The following SFXN2 variants were observed in gnomAD, a reference collection of about 807,000 sequenced individuals.
SFXN2 encodes sideroflexin-2.
In SFXN2, 37 loss-of-function variants were observed where a neutral mutation model predicts 41.9. The observed-to-expected ratio is 0.88, with a 90% CI of 0.68 to 1.16. The LOEUF (loss-of-function observed/expected upper bound fraction) is 1.16. Ranked by LOEUF, SFXN2 falls within the 50% of genes most tolerant of loss-of-function variation. The pLI is 0.00. For missense variants in SFXN2, 386 were observed against 425.2 expected, an observed-to-expected ratio of 0.91 and a Z score of 0.81; for synonymous variants, 150 against 156.7, an observed-to-expected ratio of 0.96 and a Z score of 0.32.
Position 102,728,524 on chromosome 10 carries a change from A to G in SFXN2, c.426A>G (p.Ser142=). The G allele has an allele frequency of 6.2e-7, 1 of 1,613,716 alleles. No individual in the cohort carries two copies. Among genetic ancestry groups the G allele is most frequent in the Non-Finnish European group, 8.5e-7 (1 of 1,179,776 alleles). Residue 142 remains serine, a synonymous_variant, in exon 4 of 12, where the codon TCA becomes TCG. Coordinates refer to ENST00000369893, the MANE Select transcript of SFXN2 (RefSeq NM_178858.6). ...ACAGGAATGCGGCTTCCCCCACATC[A>G]GTCAGGTAGGAGACCTGAACCCCAG... is the stretch of plus-strand genomic sequence containing the variant. ...YTNRNAASPT[S]VRQMALSYFT...
rs1392293493 is a variant in SFXN2, at chr10:102,742,998, G to C, written c.*5236G>C. 1 of 152,226 alleles carries C rather than the reference G, an allele frequency of 6.6e-6. No individual in the cohort carries two copies. Among genetic ancestry groups the C allele is most frequent in the Non-Finnish European group, 1.5e-5 (1 of 68,056 alleles). 9.4% of individuals were successfully genotyped at this position (152,226 alleles called of 1,614,324 possible). ...TGAAGTTACTGGGCATCTCTTCAAT[G>C]GTCAGTGTGAGTGGAATGTGTGGGA... is the stretch of plus-strand genomic sequence containing the variant. On this transcript the variant is annotated 3_prime_UTR_variant, in exon 12 of 12. Transcript: ENST00000369893.
chr10:102,714,988 G>A (rs2064385067), intron 1 of SFXN2: 2 of 152,692 alleles, frequency 1.3e-5, no homozygotes, highest in African/African-American at 4.8e-5. Context: ...CTGGCCCTGA[G>A]CCCTGAGGTG....
At chr10:102,720,991 C>A (rs1204254126) in intron 1 of SFXN2, among the ~76,000 whole-genome samples, 1 of 152,124 alleles carries the variant, frequency 6.6e-6, no homozygotes, top group East Asian at 1.9e-4. Flanking sequence ...CTGACCTAAT[C>A]AGGTGGAAGC....
chr10:102,730,195 A>G (rs1315084706), intron 6 of SFXN2, among the ~76,000 whole-genome samples: 10 of 152,238 alleles, frequency 6.6e-5, no homozygotes. Flanking sequence ...AAGATAGCAT[A>G]GAACCCAGAA....
At position 102,735,880 on chromosome 10, in the gene SFXN2, A is replaced by G; in HGVS notation, c.840A>G (p.Pro280=). Reference sequence around the variant, plus strand: ...CTTGCAGCCTCATCTTCATGGTGCCAGTGGCGTGTGGGCTTTTCCCACAGA... The same window carrying G: ...CTTGCAGCCTCATCTTCATGGTGCCGGTGGCGTGTGGGCTTTTCCCACAGA... ...LSGCFLIFMV[P]VACGLFPQKC... Residue 280 remains proline, a synonymous_variant, in exon 11 of 12, where the codon CCA becomes CCG. Coordinates refer to ENST00000369893, the MANE Select transcript of SFXN2 (RefSeq NM_178858.6). 6.2e-7 allele frequency: 1 copy of G among 1,614,134 alleles called. No homozygotes were observed. The highest frequency in any genetic ancestry group is 8.5e-7 in the Non-Finnish European group (1 of 1,180,014).
rs1000482336 is a variant in SFXN2, at chr10:102,738,278, T to C, written c.*516T>C. 2 of 151,416 alleles carry C rather than the reference T, an allele frequency of 1.3e-5. No individual in the cohort carries two copies. Among genetic ancestry groups the C allele is most frequent in the African/African-American group, 4.9e-5 (2 of 40,972 alleles). 9.4% of individuals were successfully genotyped at this position (151,416 alleles called of 1,614,324 possible). On this transcript the variant is annotated 3_prime_UTR_variant, in exon 12 of 12. Transcript: ENST00000369893. ...CACCCTTCCACATCCTCCTCCTCGTTGCCCCCTGGTCAGGCAGCTTCTTTT... is the reference window on the plus strand; with the variant it reads ...CACCCTTCCACATCCTCCTCCTCGTCGCCCCCTGGTCAGGCAGCTTCTTTT...
In SFXN2 at chr10:102,728,657, G is replaced by A. The variant is rs952485545; in HGVS notation, c.431+128G>A. On this transcript the variant is annotated intron_variant, in intron 4 of 11. Coordinates refer to ENST00000369893, the MANE Select transcript of SFXN2 (RefSeq NM_178858.6). ...AGGTGACCAAGTCACCCTTTCCCAG[G>A]GTTTGGAAATATTTTCTCAAGCTGA... 16 of 744,834 alleles carry A rather than the reference G, an allele frequency of 2.1e-5. No homozygotes were observed. The Admixed American group carries it at 3.3e-4, about 15-fold the overall frequency. 46.1% of individuals were successfully genotyped at this position (744,834 alleles called of 1,614,324 possible).
chr10:102,729,187 A>G, intron 4 of SFXN2, 132 bp from the exon 5 acceptor site: 2 of 771,732 alleles, frequency 2.6e-6, no homozygotes, highest in South Asian at 1.7e-5. Flanking sequence ...GAGGGTCACA[A>G]GATAAGGCTG....
Position 102,721,106 on chromosome 10 carries a change from G to A in SFXN2, c.-25-5506G>A, listed in dbSNP as rs367710985. Among the ~76,000 whole-genome samples the A allele has an allele frequency of 3.9e-5, 6 of 152,128 alleles. No individual in the cohort carries two copies. The East Asian group carries it at 7.7e-4, about 20-fold the overall frequency. ...CCCCTGGGATGGTCTGTTGCTGGCCGCCTGCCCTGCTGACTTCAGGATTGC... is the reference window on the plus strand; with the variant it reads ...CCCCTGGGATGGTCTGTTGCTGGCCACCTGCCCTGCTGACTTCAGGATTGC... On this transcript the variant is annotated intron_variant, in intron 1 of 11. Coordinates refer to ENST00000369893, the MANE Select transcript of SFXN2 (RefSeq NM_178858.6).
At chr10:102,729,843 C>G (rs765951192) in intron 6 of SFXN2, 35 bp downstream of exon 6, 1 of 1,608,942 alleles carries the variant, frequency 6.2e-7, no homozygotes, top group Non-Finnish European at 8.5e-7. Flanking sequence ...CTACAAACCA[C>G]AAGATTAGCA....
Position 102,736,037 on chromosome 10 carries a change from C to T in SFXN2, c.869+128C>T, listed in dbSNP as rs544386222. On this transcript the variant is annotated intron_variant, in intron 11 of 11. Transcript: ENST00000369893. ...CAGCACCTGTCTGAGGACAAGTGTC[C>T]ATCAGCCTAAAGGCTGGGCCTCTTA... 1.2e-5 allele frequency: 11 copies of T among 926,716 alleles called. No homozygotes were observed. In the South Asian group the frequency reaches 1.4e-4, roughly 11 times the overall value. The allele number at this position is 926,716 out of a possible 1,614,324, so 57.4% of individuals were successfully genotyped here.
intron 9 of SFXN2, 144 bp downstream of exon 9, chr10:102,733,052 C>A: frequency 1.2e-6 from 1 of 808,980 alleles, no homozygotes; most frequent in South Asian, 1.6e-5. Context: ...CACCAATCTC[C>A]ACTGACCTCC....
intron 1 of SFXN2, chr10:102,715,240 G>A (rs2064390662): frequency 1.3e-5 from 2 of 153,186 alleles, no homozygotes; most frequent in East Asian, 1.9e-4. Flanking sequence ...GTTTCGCCAT[G>A]TTGCCCAGGC....
chr10:102,726,836 C>T (rs2064604657), intron 2 of SFXN2, 39 bp downstream of exon 2: 4 of 1,610,356 alleles, frequency 2.5e-6, no homozygotes, highest in Non-Finnish European at 8.5e-7. Context: ...AGTAGGGTAA[C>T]ATTGATGGGG....
rs751744308 is a variant in SFXN2 at position 102,738,119 on chromosome 10, G to T, written c.*357G>T. On this transcript the variant is annotated 3_prime_UTR_variant, in exon 12 of 12. Transcript: ENST00000369893. ...AGCCAGGGTTGAGGAAAAGACCTTGGATCAAAAGGAAGCTTCTATACCTCT... is the reference window on the plus strand; with the variant it reads ...AGCCAGGGTTGAGGAAAAGACCTTGTATCAAAAGGAAGCTTCTATACCTCT... The T allele has an allele frequency of 6.3e-5, 10 of 159,932 alleles. No homozygotes were observed. The highest frequency in any genetic ancestry group is 1.4e-4 in the Non-Finnish European group (10 of 73,322). The allele number at this position is 159,932 out of a possible 1,614,324, so 9.9% of individuals were successfully genotyped here.
At chr10:102,735,571 T>C (rs2134007045) in intron 10 of SFXN2, among the ~76,000 whole-genome samples, 1 of 152,274 alleles carries the variant, frequency 6.6e-6, no homozygotes, top group South Asian at 2.1e-4. Context: ...CTGTGCTCCT[T>C]AGGCCTGCTG....
chr10:102,722,653 A>C (rs2064524993), intron 1 of SFXN2, among the ~76,000 whole-genome samples: 1 of 151,810 alleles, frequency 6.6e-6, no homozygotes, highest in Non-Finnish European at 1.5e-5. Flanking sequence ...CAGTCCCCGC[A>C]CCTCAGCCTC....
intron 6 of SFXN2, among the ~76,000 whole-genome samples, chr10:102,731,081 C>A (rs2064695840): frequency 6.8e-6 from 1 of 146,282 alleles, no homozygotes; most frequent in Non-Finnish European, 1.5e-5. Flanking sequence ...GAGTGAGACT[C>A]CATCACAAAA....
At position 102,727,166 on chromosome 10, in the gene SFXN2, T is replaced by C; in HGVS notation, c.332+9T>C. On this transcript the variant is annotated intron_variant, in intron 3 of 11. Transcript: ENST00000369893. ...ATGCTCCAGTTCTACAGGTGGGACC[T>C]GGGGGCAGGGCCGTGGGAGGTACAG... is the stretch of plus-strand genomic sequence containing the variant. The C allele has an allele frequency of 6.3e-7, 1 of 1,590,364 alleles. No individual in the cohort carries two copies. The highest frequency in any genetic ancestry group is 2.3e-5 in the East Asian group (1 of 44,146).
Sources: gnomAD v4.1 joint callset for allele counts (sites outside exome capture counted in the v4.1 genomes callset) on GRCh38, gnomAD v4.1.1 for gene constraint, MANE v1.5 for transcripts, NCBI Gene and HGNC (gene_info 2026-07-23, HGNC 2026-07-21) for gene names.